Variants in RABEP1 observed in about 807,000 individuals in gnomAD.
The protein encoded by RABEP1 is rab GTPase-binding effector protein 1.
Under a neutral mutation model 123.4 loss-of-function variants are expected in RABEP1, and 51 were observed. The observed-to-expected ratio is 0.41, with a 90% CI of 0.33 to 0.52. The LOEUF (loss-of-function observed/expected upper bound fraction) is 0.52. Ranked by LOEUF, RABEP1 falls within the 20% of genes least tolerant of loss-of-function variation. RABEP1 has a pLI of 0.16. For missense variants in RABEP1, 888 were observed against 996.3 expected, an observed-to-expected ratio of 0.89 and a Z score of 1.46; for synonymous variants, 347 against 355.2, an observed-to-expected ratio of 0.98 and a Z score of 0.26.
At chr17:5,338,494 G>A (rs1258156473) in intron 5 of RABEP1, among the ~76,000 whole-genome samples, 5 of 152,204 alleles carry the variant, frequency 3.3e-5, no homozygotes, top group Non-Finnish European at 2.9e-5. Flanking sequence ...CTTGAAGCCC[G>A]GTGGCGGAGG....
At chr17:5,346,041 AAAG>A (rs1369505039) in intron 5 of RABEP1, among the ~76,000 whole-genome samples, 1 of 152,128 alleles carries the variant, frequency 6.6e-6, no homozygotes, top group Non-Finnish European at 1.5e-5. Flanking sequence ...CAACAGAAAA[AAAG>A]TATTTTTTTT....
chr17:5,372,907 C>T (rs1445304270), intron 12 of RABEP1, among the ~76,000 whole-genome samples: 2 of 152,136 alleles, frequency 1.3e-5, no homozygotes, highest in African/African-American at 4.8e-5. Context: ...TTACAGGCAC[C>T]CCGCTGTACC....
intron 15 of RABEP1, among the ~76,000 whole-genome samples, chr17:5,379,579 G>A (rs1911281945): frequency 1.3e-5 from 2 of 152,016 alleles, no homozygotes; most frequent in East Asian, 3.9e-4. Flanking sequence ...CCTCCACTTT[G>A]CTACTGATAT....
chr17:5,370,977 T>TC lies in RABEP1; in HGVS notation c.1885-2337_1885-2336insC, dbSNP rs1397408150. Among the ~76,000 whole-genome samples the TC allele has an allele frequency of 4.8e-3, 737 of 152,174 alleles. 9 individuals carry two copies. Among genetic ancestry groups the TC allele is most frequent in the African/African-American group, 0.017 (699 of 41,528 alleles). ...TCCATTTGTTTCTCTTTTTTTTTTT[T>TC]TGTTTTTGAGACGGAGTCTTGCTCT... On this transcript the variant is annotated intron_variant, in intron 12 of 17. Transcript: ENST00000537505.
chr17:5,332,250 CATTTGTGGTTTT>C, intron 3 of RABEP1, 98 bp downstream of exon 3: 2 of 1,201,154 alleles, frequency 1.7e-6, no homozygotes, highest in South Asian at 3.0e-5. Context: ...TACAGAGTTT[CATTTGTGGTTTT>C]ATGTACTGTC....
intron 16 of RABEP1, 70 bp downstream of exon 16, chr17:5,380,532 GAAA>G: frequency 8.0e-7 from 1 of 1,250,246 alleles, no homozygotes; most frequent in African/African-American, 1.5e-5. Flanking sequence ...CTTGCTTGTT[GAAA>G]AAAAAATATT....
chr17:5,377,520 AT>A (rs960634048), intron 14 of RABEP1, among the ~76,000 whole-genome samples: 389 of 99,806 alleles, frequency 3.9e-3, no homozygotes, highest in African/African-American at 8.5e-3. Flanking sequence ...TATTTAAAAA[AT>A]TTTTTTTTTT....
intron 2 of RABEP1, among the ~76,000 whole-genome samples, chr17:5,318,029 T>G (rs1205041694): frequency 6.6e-6 from 1 of 152,220 alleles, no homozygotes; most frequent in East Asian, 1.9e-4. Context: ...CCTTGTCCTG[T>G]GCACCTTTTT....
chr17:5,325,291 G>A (rs925886919), intron 2 of RABEP1, among the ~76,000 whole-genome samples: 26 of 151,918 alleles, frequency 1.7e-4, no homozygotes, highest in African/African-American at 6.3e-4. Flanking sequence ...AGCCAAGATC[G>A]TGCCACTCAC....
At chr17:5,282,898 AATCTT>A (rs763087375) in intron 1 of RABEP1, among the ~76,000 whole-genome samples, 2 of 151,998 alleles carry the variant, frequency 1.3e-5, no homozygotes, top group African/African-American at 2.4e-5. Flanking sequence ...AAAGAAAAAA[AATCTT>A]AGCTTAGGTA....
chr17:5,300,405 G>A (rs2075125432), intron 1 of RABEP1, among the ~76,000 whole-genome samples: 1 of 152,152 alleles, frequency 6.6e-6, no homozygotes, highest in Admixed American at 6.5e-5. Context: ...CATGGGTAAA[G>A]TATCGTTTTC....
At chr17:5,377,981 G>C (rs1286897843) in intron 14 of RABEP1, among the ~76,000 whole-genome samples, 196 bp from the exon 15 acceptor site, 1 of 152,126 alleles carries the variant, frequency 6.6e-6, no homozygotes, top group Non-Finnish European at 1.5e-5. Context: ...TTATGACACA[G>C]TGTCCATTTG....
At chr17:5,294,669 A>T (rs1476419749) in intron 1 of RABEP1, among the ~76,000 whole-genome samples, 27 of 40,062 alleles carry the variant, frequency 6.7e-4, no homozygotes, top group Non-Finnish European at 1.3e-3. Context: ...TTTTTTTGAG[A>T]TGGAGTCTCG....
chr17:5,337,343 C>T (rs938601350), intron 4 of RABEP1, among the ~76,000 whole-genome samples: 1 of 152,116 alleles, frequency 6.6e-6, no homozygotes, highest in Admixed American at 6.5e-5. Context: ...TTTCATTATT[C>T]ATAAGAAATT....
intron 13 of RABEP1, 65 bp from the exon 14 acceptor site, chr17:5,377,051 A>T (rs1911047048): frequency 1.4e-6 from 2 of 1,480,812 alleles, no homozygotes; most frequent in Middle Eastern, 1.7e-4. Flanking sequence ...GTTACAGAAA[A>T]TCTTTAGCTT....
At chr17:5,296,998 T>C (rs2075089758) in intron 1 of RABEP1, among the ~76,000 whole-genome samples, 1 of 148,714 alleles carries the variant, frequency 6.7e-6, no homozygotes. Flanking sequence ...TCAGCTTCCA[T>C]GAGTGCTGGG....
chr17:5,330,340 T>C (rs1906413304), intron 2 of RABEP1, among the ~76,000 whole-genome samples: 1 of 152,212 alleles, frequency 6.6e-6, no homozygotes, highest in South Asian at 2.1e-4. Context: ...TGATGGAAAC[T>C]GATGTTGAGA....
At chr17:5,351,603 C>G (rs1219421819) in intron 7 of RABEP1, among the ~76,000 whole-genome samples, 2 of 152,020 alleles carry the variant, frequency 1.3e-5, no homozygotes, top group Non-Finnish European at 2.9e-5. Context: ...CAAGACCAGC[C>G]TGGGCCATAT....
intron 10 of RABEP1, among the ~76,000 whole-genome samples, chr17:5,364,681 C>T (rs1044298927): frequency 2.1e-5 from 3 of 142,938 alleles, no homozygotes; most frequent in Admixed American, 7.3e-5. Flanking sequence ...TGCAGTGAGC[C>T]GAGATTGCAG....
Sources: gnomAD v4.1 joint callset for allele counts (sites outside exome capture counted in the v4.1 genomes callset) on GRCh38, gnomAD v4.1.1 for gene constraint, MANE v1.5 for transcripts, NCBI Gene and HGNC (gene_info 2026-07-23, HGNC 2026-07-21) for gene names.